CCDC146: variants seen among roughly 807,000 people sequenced by gnomAD.
CCDC146 encodes the protein coiled-coil domain containing 146, also known as coiled-coil domain-containing protein 146.
In CCDC146, 92 loss-of-function variants were observed where a neutral mutation model predicts 119.3. The ratio of observed to expected loss-of-function variants is 0.77; its 90% CI spans 0.65 to 0.92. The LOEUF (loss-of-function observed/expected upper bound fraction) is 0.92, where lower values mean the gene tolerates loss of function less well. Ranked by LOEUF, CCDC146 falls within the 40% of genes least tolerant of loss-of-function variation. The pLI, the probability that CCDC146 is intolerant of heterozygous loss-of-function variation, is 0.00. For synonymous variants in CCDC146, 372 were observed against 371.8 expected (o/e 1.00, Z -0.01); for missense variants, 1,000 against 1,103.0 (o/e 0.91, Z 1.32).
At chr7:77,246,154 G>A (rs1792946019) in intron 4 of CCDC146, among the ~76,000 whole-genome samples, 1 of 152,182 alleles carries the variant, frequency 6.6e-6, no homozygotes. Flanking sequence ...AGTCACCAGA[G>A]TCTCCTCTCA....
rs3834862 is a variant in CCDC146, at chr7:77,274,467, G to GT, written c.1270-7dup. 1.8e-4 allele frequency: 267 copies of GT among 1,454,310 alleles called. No individual in the cohort carries two copies. The highest frequency in any genetic ancestry group is 4.6e-4 in the Middle Eastern group (2 of 4,326). 90.1% of individuals were successfully genotyped at this position (1,454,310 alleles called of 1,614,324 possible). On this transcript the variant is annotated splice_polypyrimidine_tract_variant and intron_variant, in intron 10 of 18. Coordinates refer to ENST00000285871, the MANE Select transcript of CCDC146 (RefSeq NM_020879.3). ...ACAAATAACTTATAATATTATCTGT[G>GT]TTTTTTTTCAAAAGAAAATTATATC... is the stretch of plus-strand genomic sequence containing the variant.
intron 17 of CCDC146, among the ~76,000 whole-genome samples, chr7:77,291,732 C>G (rs1458713062): frequency 6.6e-6 from 1 of 152,130 alleles, no homozygotes; most frequent in African/African-American, 2.4e-5. Flanking sequence ...AAACAAAACA[C>G]TCCAGGAACA....
intron 9 of CCDC146, among the ~76,000 whole-genome samples, chr7:77,267,016 G>T (rs1451560141): frequency 1.4e-5 from 2 of 147,216 alleles, no homozygotes; most frequent in African/African-American, 2.5e-5. Flanking sequence ...TTTTGAGACA[G>T]AGTCTCAGTC....
chr7:77,214,072 A>G (rs774921557), intron 2 of CCDC146, among the ~76,000 whole-genome samples: 18 of 152,196 alleles, frequency 1.2e-4, no homozygotes, highest in Non-Finnish European at 1.8e-4. Context: ...ACTAATTTAC[A>G]TTCCAACCAG....
Position 77,273,751 on chromosome 7 carries a change from A to G in CCDC146, c.1231A>G (p.Lys411Glu). The G allele has an allele frequency of 6.2e-7, 1 of 1,610,796 alleles. No homozygotes were observed. Among genetic ancestry groups the G allele is most frequent in the Non-Finnish European group, 8.5e-7 (1 of 1,177,812 alleles). ...ATCTGAGAGAAGGCGAGAGCTTCAC[A>G]AGGAAGTTGAAGTAGCTAAGAGGAA... ...TLSERRRELH[K>E]EVEVAKRNLA... is the part of the protein sequence containing the mutation. Residue 411 changes from lysine (K) to glutamate (E), a missense_variant, in exon 10 of 19, where the codon AAG becomes GAG. Physicochemically the swap from Lys to Glu is moderately conservative, Grantham distance 56. Around this residue, in one of 2 missense-constraint regions of CCDC146, gnomAD observed 985 missense variants for 1,045.3 expected, o/e 0.94. Coordinates refer to ENST00000285871, the MANE Select transcript of CCDC146 (RefSeq NM_020879.3).
intron 1 of CCDC146, among the ~76,000 whole-genome samples, chr7:77,128,867 A>G (rs1790744828): frequency 2.0e-5 from 3 of 152,158 alleles, no homozygotes; most frequent in African/African-American, 4.8e-5. Flanking sequence ...GAATGGCAGC[A>G]TAAGGCAAAA....
At chr7:77,233,120 A>T (rs1233588713) in intron 2 of CCDC146, among the ~76,000 whole-genome samples, 1 of 137,016 alleles carries the variant, frequency 7.3e-6, no homozygotes. Flanking sequence ...ACGGAATCTC[A>T]CTCTGTCACC....
At chr7:77,192,766 T>C (rs1190968741) in intron 2 of CCDC146, among the ~76,000 whole-genome samples, 1 of 151,664 alleles carries the variant, frequency 6.6e-6, no homozygotes, top group Non-Finnish European at 1.5e-5. Context: ...CTACTAAAAA[T>C]ACAAAAATTA....
chr7:77,248,159 G>GA (rs902829995), intron 4 of CCDC146, among the ~76,000 whole-genome samples: 2 of 152,138 alleles, frequency 1.3e-5, no homozygotes, highest in African/African-American at 2.4e-5. Flanking sequence ...TATCTTAAGT[G>GA]AAAAAAACTC....
rs185409913 is a variant in CCDC146, at chr7:77,152,736, A to G, written c.-11-14922A>G. ...ATTCATGCCTAAAAGGACCCAGATC[A>G]TCTTTTCCAGCCTATAGATAACTGA... is the stretch of plus-strand genomic sequence containing the variant. On this transcript the variant is annotated intron_variant, in intron 1 of 18. Transcript: ENST00000285871. Among the ~76,000 whole-genome samples, 86 of 152,292 alleles carry G rather than the reference A, an allele frequency of 5.6e-4. 1 individual carries two copies. The East Asian group carries it at 0.015, about 27-fold the overall frequency.
rs769570123 is a variant in CCDC146, at chr7:77,262,314, G to A, written c.1173+7G>A. 1 of 1,523,368 alleles carries A rather than the reference G, an allele frequency of 6.6e-7. No individual in the cohort carries two copies. 94.4% of individuals were successfully genotyped at this position (1,523,368 alleles called of 1,614,324 possible). On this transcript the variant is annotated splice_region_variant and intron_variant, in intron 9 of 18. Coordinates refer to ENST00000285871, the MANE Select transcript of CCDC146 (RefSeq NM_020879.3). The stretch of plus-strand genomic sequence containing the variant: ...TCAAAGGCTTCTATTAGAGGTGAGG[G>A]CTGTAAACTACCATCTGATTTTTAA...
At chr7:77,165,708 G>T (rs559780729) in intron 1 of CCDC146, among the ~76,000 whole-genome samples, 72 of 152,328 alleles carry the variant, frequency 4.7e-4, no homozygotes, top group African/African-American at 1.6e-3. Context: ...TACCATGGGA[G>T]GCTGGTCCCC....
chr7:77,226,610 C>T (rs529132572), intron 2 of CCDC146, among the ~76,000 whole-genome samples: 1 of 152,206 alleles, frequency 6.6e-6, no homozygotes, highest in Non-Finnish European at 1.5e-5. Flanking sequence ...CACATAATTG[C>T]CAGCAGGGCA....
chr7:77,140,138 G>T (rs1051100168), intron 1 of CCDC146, among the ~76,000 whole-genome samples: 2 of 151,522 alleles, frequency 1.3e-5, no homozygotes, highest in Non-Finnish European at 2.9e-5. Context: ...CAGATGATCC[G>T]CCTGCCTCGG....
intron 9 of CCDC146, 81 bp from the exon 10 acceptor site, chr7:77,273,613 C>T (rs1372046592): frequency 3.8e-5 from 38 of 997,732 alleles, no homozygotes; most frequent in Middle Eastern, 2.2e-4. Context: ...TTCTGCCTCC[C>T]GGGTTCAAGC....
chr7:77,289,782 A>G (rs1793911284), intron 17 of CCDC146, among the ~76,000 whole-genome samples: 1 of 152,264 alleles, frequency 6.6e-6, no homozygotes, highest in South Asian at 2.1e-4. Flanking sequence ...GGAGCAACCC[A>G]GGATAATATG....
chr7:77,164,346 G>A (rs1791310733), intron 1 of CCDC146, among the ~76,000 whole-genome samples: 1 of 151,878 alleles, frequency 6.6e-6, no homozygotes, highest in African/African-American at 2.4e-5. Context: ...GAAGATTTAA[G>A]CAATAAACTG....
At chr7:77,170,993 T>G (rs551171715) in intron 2 of CCDC146, among the ~76,000 whole-genome samples, 7 of 152,346 alleles carry the variant, frequency 4.6e-5, no homozygotes, top group African/African-American at 1.7e-4. Flanking sequence ...TCCTCTAATC[T>G]TAATATTTTA....
intron 2 of CCDC146, among the ~76,000 whole-genome samples, chr7:77,227,664 T>TCA (rs1327478567): frequency 3.3e-5 from 5 of 152,188 alleles, no homozygotes; most frequent in Non-Finnish European, 5.9e-5. Flanking sequence ...ATTCAGTAAG[T>TCA]CAGAGCTAGA....
Sources: gnomAD v4.1 joint callset for allele counts (sites outside exome capture counted in the v4.1 genomes callset) on GRCh38, gnomAD v4.1.1 for gene constraint, gnomAD v4.1.1 regional missense constraint, MANE v1.5 for transcripts, NCBI Gene and HGNC (gene_info 2026-07-23, HGNC 2026-07-21) for gene names.